The following SLC24A3 variants were observed in gnomAD, a reference collection of about 807,000 sequenced individuals.
The protein encoded by SLC24A3 is solute carrier family 24 member 3, also known as sodium/potassium/calcium exchanger 3.
In SLC24A3, 28 loss-of-function variants were observed where a neutral mutation model predicts 75.8. The observed-to-expected ratio is 0.37, with a 90% CI of 0.27 to 0.51. The LOEUF is 0.51. SLC24A3 is among the 20% of genes least tolerant of loss of function. The pLI is 0.94. For synonymous variants in SLC24A3, 372 were observed against 334.1 expected (o/e 1.11, Z -1.24); for missense variants, 663 against 847.8 (o/e 0.78, Z 2.71).
intron 2 of SLC24A3, among the ~76,000 whole-genome samples, chr20:19,321,842 A>G (rs1201267159): frequency 6.6e-6 from 1 of 152,136 alleles, no homozygotes; most frequent in Non-Finnish European, 1.5e-5. Context: ...TATTTTTTAA[A>G]TCTAGAATCT....
intron 6 of SLC24A3, among the ~76,000 whole-genome samples, chr20:19,590,657 A>T (rs1358020630): frequency 2.0e-5 from 3 of 152,218 alleles, no homozygotes; most frequent in Non-Finnish European, 4.4e-5. Context: ...GCAGAATGTG[A>T]AGTGCAGGAG....
intron 12 of SLC24A3, among the ~76,000 whole-genome samples, chr20:19,686,662 A>T (rs2032679418): frequency 6.6e-6 from 1 of 152,182 alleles, no homozygotes; most frequent in Non-Finnish European, 1.5e-5. Context: ...TTGGATGCGC[A>T]GGGTCTTGCT....
At chr20:19,489,103 G>T (rs923429239) in intron 2 of SLC24A3, among the ~76,000 whole-genome samples, 4 of 152,140 alleles carry the variant, frequency 2.6e-5, no homozygotes, top group Non-Finnish European at 5.9e-5. Flanking sequence ...GAATTTCTGG[G>T]GAAGTCACCT....
At chr20:19,343,887 G>A (rs1174372640) in intron 2 of SLC24A3, among the ~76,000 whole-genome samples, 2 of 152,208 alleles carry the variant, frequency 1.3e-5, no homozygotes, top group East Asian at 3.9e-4. Context: ...TATACGCCTG[G>A]TGGAAATGTT....
At chr20:19,618,203 A>G (rs1413782538) in intron 6 of SLC24A3, among the ~76,000 whole-genome samples, 1 of 152,178 alleles carries the variant, frequency 6.6e-6, no homozygotes, top group Non-Finnish European at 1.5e-5. Flanking sequence ...GGCTGTCTAC[A>G]TCCAGGTTCC....
At chr20:19,339,998 G>T (rs1385391769) in intron 2 of SLC24A3, among the ~76,000 whole-genome samples, 1 of 152,124 alleles carries the variant, frequency 6.6e-6, no homozygotes, top group Non-Finnish European at 1.5e-5. Context: ...TCTGTCTCTG[G>T]GACTTGGGGC....
At chr20:19,271,046 C>T (rs1169939307) in intron 1 of SLC24A3, among the ~76,000 whole-genome samples, 1 of 152,124 alleles carries the variant, frequency 6.6e-6, no homozygotes, top group African/African-American at 2.4e-5. Context: ...TACCTGAAGA[C>T]CATCACAAGA....
At chr20:19,296,993 T>G (rs1338885090) in intron 2 of SLC24A3, among the ~76,000 whole-genome samples, 1 of 152,242 alleles carries the variant, frequency 6.6e-6, no homozygotes, top group East Asian at 1.9e-4. Flanking sequence ...AGCTGTATTT[T>G]CTTCTCCAGC....
intron 2 of SLC24A3, among the ~76,000 whole-genome samples, chr20:19,434,403 A>C (rs1380789263): frequency 6.6e-6 from 1 of 152,230 alleles, no homozygotes; most frequent in African/African-American, 2.4e-5. Flanking sequence ...TGGTGGGAAC[A>C]AATGAGAAAA....
chr20:19,594,359 C>A (rs573526066), intron 6 of SLC24A3, among the ~76,000 whole-genome samples: 56 of 152,194 alleles, frequency 3.7e-4, no homozygotes, highest in Non-Finnish European at 5.1e-4. Context: ...CACACCAGGA[C>A]CTGAGGCCTG....
chr20:19,499,691 T>C (rs549258877), intron 2 of SLC24A3, among the ~76,000 whole-genome samples: 5 of 152,274 alleles, frequency 3.3e-5, no homozygotes, highest in South Asian at 2.1e-4. Context: ...TTTCAACATA[T>C]GAATTTGGGG....
Position 19,306,343 on chromosome 20 carries a change from C to T in SLC24A3, c.271+25256C>T, listed in dbSNP as rs536688128. Among the ~76,000 whole-genome samples the T allele has an allele frequency of 2.0e-5, 3 of 152,286 alleles. No individual in the cohort carries two copies. In the South Asian group the frequency reaches 6.2e-4, roughly 32 times the overall value. On this transcript the variant is annotated intron_variant, in intron 2 of 16. Transcript: ENST00000328041. ...ATTTCTCAAAGAACTTAATACAGAA[C>T]TACCATTCAATCCAGCAATCTCATT...
chr20:19,469,139 A>G (rs2206638), intron 2 of SLC24A3, among the ~76,000 whole-genome samples: 85,248 of 151,874 alleles, frequency 0.56, 24,074 homozygotes, highest in East Asian at 0.62. Context: ...GGATCCTGGC[A>G]TCACCATGAT....
At chr20:19,244,393 A>C (rs1356509181) in intron 1 of SLC24A3, 5 of 152,252 alleles carry the variant, frequency 3.3e-5, no homozygotes, top group Non-Finnish European at 7.3e-5. Flanking sequence ...TGCAGTGGGG[A>C]GCTGGACATT....
In SLC24A3 at chr20:19,280,671, A is replaced by G. The variant is rs539273960; in HGVS notation, c.143-288A>G. Reference sequence around the variant, plus strand: ...ATGTCACTGGGAGCAGGGAATTGAGACAGGGAATGGGGGGCAGTTGATCAA... The same window carrying G: ...ATGTCACTGGGAGCAGGGAATTGAGGCAGGGAATGGGGGGCAGTTGATCAA... On this transcript the variant is annotated intron_variant, in intron 1 of 16. Transcript: ENST00000328041. 8.0e-4 allele frequency among the ~76,000 whole-genome samples: 122 copies of G among 152,330 alleles called. 2 individuals are homozygous for G. The highest frequency in any genetic ancestry group is 2.5e-4 in the Non-Finnish European group (17 of 68,034).
chr20:19,233,995 A>C (rs189865018), intron 1 of SLC24A3, among the ~76,000 whole-genome samples: 3 of 152,312 alleles, frequency 2.0e-5, no homozygotes, highest in Admixed American at 2.0e-4. Context: ...TCTAAGGCTA[A>C]TTTATAGCCA....
At chr20:19,496,775 G>T (rs1230778417) in intron 2 of SLC24A3, among the ~76,000 whole-genome samples, 1 of 152,144 alleles carries the variant, frequency 6.6e-6, no homozygotes, top group East Asian at 1.9e-4. Flanking sequence ...TGGCTCCTGA[G>T]TGTAGAAGCA....
intron 2 of SLC24A3, among the ~76,000 whole-genome samples, chr20:19,315,104 T>A (rs1023655438): frequency 1.3e-5 from 2 of 152,208 alleles, no homozygotes; most frequent in Non-Finnish European, 2.9e-5. Context: ...GTTTCTGCTA[T>A]TTTTGCAAAG....
intron 2 of SLC24A3, among the ~76,000 whole-genome samples, chr20:19,387,845 G>A (rs1160461162): frequency 1.3e-5 from 2 of 152,258 alleles, no homozygotes; most frequent in Middle Eastern, 3.4e-3. Context: ...TTGGTTTATA[G>A]TATTATTTAA....
Sources: gnomAD v4.1 joint callset for allele counts (sites outside exome capture counted in the v4.1 genomes callset) on GRCh38, gnomAD v4.1.1 for gene constraint, MANE v1.5 for transcripts, NCBI Gene and HGNC (gene_info 2026-07-23, HGNC 2026-07-21) for gene names.